The following ECEL1 variants were observed in gnomAD, a reference collection of about 807,000 sequenced individuals.
ECEL1 encodes the protein endothelin converting enzyme like 1.
A neutral mutation model predicts 101.8 loss-of-function variants in ECEL1; 87 were observed. The ratio of observed to expected loss-of-function variants is 0.85; its 90% CI spans 0.72 to 1.02. The LOEUF is 1.02. Ranked by LOEUF, ECEL1 falls within the 50% of genes least tolerant of loss-of-function variation. The probability of loss-of-function intolerance (pLI) is 0.00; values close to 1 mark genes in which losing one functional copy is unlikely to be tolerated. For synonymous variants in ECEL1, 487 were observed against 468.7 expected (o/e 1.04, Z -0.50); for missense variants, 1,032 against 1,079.2 (o/e 0.96, Z 0.61).
chr2:232,485,223 G>A lies in ECEL1; in HGVS notation c.831C>T (p.Leu277=), dbSNP rs866376011. The change falls in exon 3 of 18, where the codon CTC becomes CTT. Residue 277 remains leucine (L), a synonymous_variant. Coordinates refer to ENST00000304546, the MANE Select transcript of ECEL1 (RefSeq NM_004826.4). The part of the protein sequence containing the change: ...GLTLPERTLY[L]AQDEDSEKIL... ...CCTTCTCACTGTCCTCATCCTGAGC[G>A]AGGTACAGGGTCCTCTCTGGCAGGG... 1.9e-6 allele frequency: 3 copies of A among 1,613,646 alleles called. No individual in the cohort carries two copies. Among genetic ancestry groups the A allele is most frequent in the Non-Finnish European group, 2.5e-6 (3 of 1,179,986 alleles).
At chr2:232,487,437 C>G (rs1484210901) in intron 1 of ECEL1, among the ~76,000 whole-genome samples, 1 of 152,148 alleles carries the variant, frequency 6.6e-6, no homozygotes. Context: ...TGTCCCCGCC[C>G]CGAGCCACTC....
rs760608310 is a variant in ECEL1 at position 232,484,992 on chromosome 2, G to T, written c.955C>A (p.Gln319Lys). ...KAQEILQVEQ[Q>K]LANITVSEHD... is the part of the protein sequence containing the mutation. ...CCTGGTCTGCTCACGTTGGCCAGCT[G>T]CTGCTCCACTTGCAGGATCTCTTGG... The change falls in exon 4 of 18, where the codon CAG (glutamine) becomes AAG (lysine). Residue 319 changes from glutamine to lysine, a missense_variant. Gln to Lys is a moderately conservative substitution (Grantham distance 53, BLOSUM62 1). Transcript: ENST00000304546. The T allele has an allele frequency of 6.1e-5, 99 of 1,612,992 alleles. No homozygotes were observed. Among genetic ancestry groups the T allele is most frequent in the Non-Finnish European group, 8.1e-5 (95 of 1,180,020 alleles).
intron 10 of ECEL1, 80 bp downstream of exon 10, chr2:232,482,771 T>C: frequency 6.4e-7 from 1 of 1,563,506 alleles, no homozygotes; most frequent in Non-Finnish European, 8.8e-7. Context: ...TCTGCATGGC[T>C]GTGAGACGAT....
rs926374466 is a variant in ECEL1 at position 232,485,823 on chromosome 2, C to T, written c.786+45G>A. On this transcript the variant is annotated intron_variant, in intron 2 of 17. Coordinates refer to ENST00000304546, the MANE Select transcript of ECEL1 (RefSeq NM_004826.4). ...GGACCCCTGGGCAAGGCCACTGCGC[C>T]CCGGATCCGCGGCCGCTGGCAGGGC... is the stretch of plus-strand genomic sequence containing the variant. 1.7e-5 allele frequency: 26 copies of T among 1,535,188 alleles called. No individual in the cohort carries two copies. In the Admixed American group the frequency reaches 5.1e-4, roughly 30 times the overall value.
rs965566918 is a variant in ECEL1 at position 232,479,992 on chromosome 2, C to T, written c.*161G>A. 9.1e-6 allele frequency: 6 copies of T among 661,740 alleles called. 1 individual carries two copies. Among genetic ancestry groups the T allele is most frequent in the South Asian group, 3.8e-5 (2 of 52,486 alleles). 41.0% of individuals were successfully genotyped at this position (661,740 alleles called of 1,614,324 possible). On this transcript the variant is annotated 3_prime_UTR_variant, in exon 18 of 18. Transcript: ENST00000304546. ...AAGTCCAGCCTCACCCTGCTCCAGG[C>T]CCCTCCTGAAGTGAGGGGCAGCAGG...
chr2:232,486,705 G>A lies in ECEL1; in HGVS notation c.-52C>T. On this transcript the variant is annotated 5_prime_UTR_variant, in exon 2 of 18. Transcript: ENST00000304546. ...CTGGGCCACCTGGGCTACGGGATGC[G>A]CGTGGCCGCCGGCCTCCTCGTGGGC... is the stretch of plus-strand genomic sequence containing the variant. The A allele has an allele frequency of 7.1e-7, 1 of 1,412,366 alleles. No homozygotes were observed. The allele number at this position is 1,412,366 out of a possible 1,614,324, so 87.5% of individuals were successfully genotyped here.
rs745860080 is a variant in ECEL1 at position 232,483,396 on chromosome 2, G to A, written c.1506+20C>T. On this transcript the variant is annotated intron_variant, in intron 8 of 17. Transcript: ENST00000304546. ...CTCAATATATATGGGACCAACCAAT[G>A]ACACTGGGTCCCCCCTCACCTTGGC... 7 of 1,592,040 alleles carry A rather than the reference G, an allele frequency of 4.4e-6. No individual in the cohort carries two copies. Among genetic ancestry groups the A allele is most frequent in the Non-Finnish European group, 5.1e-6 (6 of 1,170,512 alleles).
At position 232,486,565 on chromosome 2, in the gene ECEL1, C is replaced by A; in HGVS notation, c.89G>T (p.Gly30Val). ...VSRCGAGGAR[G>V]ASLPPGFPLG... Reference sequence around the variant, plus strand: ...CGGGAAGCCCGGGGGCAGGGAGGCCCCGCGCGCGCCCCCCGCGCCGCAGCG... The same window carrying A: ...CGGGAAGCCCGGGGGCAGGGAGGCCACGCGCGCGCCCCCCGCGCCGCAGCG... Residue 30 changes from glycine (G) to valine (V), a missense_variant, in exon 2 of 18, where the codon GGG (glycine) becomes GTG (valine). Gly to Val is a moderately radical substitution (Grantham distance 109). Transcript: ENST00000304546. 1 of 1,375,800 alleles carries A rather than the reference C, an allele frequency of 7.3e-7. No homozygotes were observed. Among genetic ancestry groups the A allele is most frequent in the Admixed American group, 3.2e-5 (1 of 30,920 alleles). 85.2% of individuals were successfully genotyped at this position (1,375,800 alleles called of 1,614,324 possible).
At position 232,483,944 on chromosome 2, in the gene ECEL1, G is replaced by C. The variant is rs564126333; in HGVS notation, c.1407+57C>G. 1.8e-3 allele frequency: 2,765 copies of C among 1,523,766 alleles called. 4 individuals are homozygous for C. The highest frequency in any genetic ancestry group is 2.3e-3 in the Admixed American group (121 of 53,376). The allele number at this position is 1,523,766 out of a possible 1,614,324, so 94.4% of individuals were successfully genotyped here. A position where few individuals can be genotyped will look rare whatever the true frequency, so the allele number is the denominator to read the frequency against. On this transcript the variant is annotated intron_variant, in intron 7 of 17. Transcript: ENST00000304546. ...TCCCCATATTAGGACCATGGCCTCG[G>C]GAGGGCTCCACCCTCAGTTCAGCAC...
In ECEL1 at chr2:232,486,121, C is replaced by T. The variant is rs1365728368; in HGVS notation, c.533G>A (p.Arg178His). Reference protein sequence around the residue: ...PGGGPGGAAQRKVRAFFRSCL... With the variant: ...PGGGPGGAAQHKVRAFFRSCL... ...CGAGCGGAAGAAGGCGCGCACCTTG[C>T]GCTGGGCCGCGCCGCCAGGCCCACC... Residue 178 changes from arginine (R) to histidine (H), a missense_variant, in exon 2 of 18, where the codon CGC (arginine) becomes CAC (histidine). By Grantham distance (29) the Arg-to-His change is conservative (BLOSUM62 0). Transcript: ENST00000304546. 1.3e-6 allele frequency: 2 copies of T among 1,569,012 alleles called. No individual in the cohort carries two copies. Among genetic ancestry groups the T allele is most frequent in the Non-Finnish European group, 1.7e-6 (2 of 1,160,866 alleles).
Position 232,481,121 on chromosome 2 carries a change from T to C in ECEL1, c.2025A>G (p.Ala675=), listed in dbSNP as rs757288957. 34 of 1,568,362 alleles carry C rather than the reference T, an allele frequency of 2.2e-5. No homozygotes were observed. The highest frequency in any genetic ancestry group is 2.8e-5 in the Non-Finnish European group (32 of 1,156,520). ...NGKHTLGENI[A]DMGGLKLAYH... ...AGGCCAGCTTGAGGCCGCCCATATC[T>C]GCGATGTTCTCCCCAAGCGTGTGTT... Residue 675 remains alanine, a synonymous_variant, in exon 15 of 18, where the codon GCA becomes GCG. Coordinates refer to ENST00000304546, the MANE Select transcript of ECEL1 (RefSeq NM_004826.4).
Position 232,483,210 on chromosome 2 carries a change from C to T in ECEL1, c.1507-31G>A, listed in dbSNP as rs202085552. 9.1e-5 allele frequency: 144 copies of T among 1,582,386 alleles called. No individual in the cohort carries two copies. The African/African-American group carries it at 1.8e-3, about 20-fold the overall frequency. On this transcript the variant is annotated intron_variant, in intron 8 of 17. Coordinates refer to ENST00000304546, the MANE Select transcript of ECEL1 (RefSeq NM_004826.4). Reference sequence around the variant, plus strand: ...GGCCGAGGGCAGGTGAAGGTGGCACCAGGCCTCGGGAGACAGCCCCCCGCC... The same window carrying T: ...GGCCGAGGGCAGGTGAAGGTGGCACTAGGCCTCGGGAGACAGCCCCCCGCC...
chr2:232,485,419 C>A (rs988961198), intron 2 of ECEL1, 152 bp from the exon 3 acceptor site: 2 of 906,202 alleles, frequency 2.2e-6, no homozygotes, highest in South Asian at 1.6e-5. Context: ...TCCACCCAGA[C>A]GAGATGGCCA....
chr2:232,483,636 C>A lies in ECEL1; in HGVS notation c.1408-122G>T, dbSNP rs539739805. 802 of 790,964 alleles carry A rather than the reference C, an allele frequency of 1.0e-3. 1 individual carries two copies. The highest frequency in any genetic ancestry group is 1.3e-3 in the Non-Finnish European group (688 of 514,648). 49.0% of individuals were successfully genotyped at this position (790,964 alleles called of 1,614,324 possible). A position where few individuals can be genotyped will look rare whatever the true frequency, so the allele number is the denominator to read the frequency against. ...AAGCCCAAACCTCATTTCTGAACAC[C>A]AAGAGGATACTTTGGAGGTGAGGAT... On this transcript the variant is annotated intron_variant, in intron 7 of 17. Coordinates refer to ENST00000304546, the MANE Select transcript of ECEL1 (RefSeq NM_004826.4).
At position 232,486,036 on chromosome 2, in the gene ECEL1, C is replaced by T. The variant is rs1420215687; in HGVS notation, c.618G>A (p.Glu206=). 1 of 1,609,114 alleles carries T rather than the reference C, an allele frequency of 6.2e-7. No individual in the cohort carries two copies. Among genetic ancestry groups the T allele is most frequent in the East Asian group, 2.2e-5 (1 of 44,766 alleles). The change falls in exon 2 of 18, where the codon GAG becomes GAA. Residue 206 remains glutamate, a synonymous_variant. Coordinates refer to ENST00000304546, the MANE Select transcript of ECEL1 (RefSeq NM_004826.4). ...CGCCCAGGTCCCAGCCCCCGCAGTC[C>T]TCGATGACCTCTAGCATGGGTCGCG... ...LGPRPMLEVI[E]DCGGWDLGGA... is the part of the protein sequence containing the mutation.
Position 232,482,972 on chromosome 2 carries a change from G to T in ECEL1, c.1582-18C>A. ...ACCTCAAACTGCAGGAGGCACGGGC[G>T]ACACTCAGCGGCAGGCCAGGGCAGG... On this transcript the variant is annotated intron_variant, in intron 9 of 17. Transcript: ENST00000304546. 1.2e-6 allele frequency: 2 copies of T among 1,613,836 alleles called. No homozygotes were observed. The highest frequency in any genetic ancestry group is 1.1e-5 in the South Asian group (1 of 91,062).
intron 2 of ECEL1, 33 bp downstream of exon 2, chr2:232,485,829 TCCGCGG>T (rs1278823228): frequency 1.3e-6 from 2 of 1,536,408 alleles, no homozygotes. Flanking sequence ...GCGCCCCGGA[TCCGCGG>T]CCGCTGGCAG....
At position 232,484,200 on chromosome 2, in the gene ECEL1, CA is replaced by C. The variant is rs1175518549; in HGVS notation, c.1207del (p.Trp403GlyfsTer7). On this transcript the variant is annotated frameshift_variant, in exon 7 of 18. Coordinates refer to ENST00000304546, the MANE Select transcript of ECEL1 (RefSeq NM_004826.4). LOFTEE classifies it high-confidence loss of function. ...TTCACTCAGGACCACCACCACGCGC[CA>C]CACCAGGTAGTTGTGCAGGACCCTG... Reference protein sequence around the residue: ...PHRVLHNYLVWRVVVVLSEHL... With the variant: ...PHRVLHNYLVXRVVVVLSEHL... 1 of 1,612,692 alleles carries C rather than the reference CA, an allele frequency of 6.2e-7. No individual in the cohort carries two copies. The highest frequency in any genetic ancestry group is 8.5e-7 in the Non-Finnish European group (1 of 1,179,756).
chr2:232,482,737 G>C lies in ECEL1; in HGVS notation c.1685+114C>G, dbSNP rs141746662. ...CCTGCCGGCCCCCACCCCATGCCCT[G>C]TGCTGGCGTGTGTGCCCCCCATATC... On this transcript the variant is annotated intron_variant, in intron 10 of 17. Transcript: ENST00000304546. 5.3e-6 allele frequency: 8 copies of C among 1,499,570 alleles called. No homozygotes were observed. The African/African-American group carries it at 9.6e-5, about 18-fold the overall frequency. The allele number at this position is 1,499,570 out of a possible 1,614,324, so 92.9% of individuals were successfully genotyped here. A position where few individuals can be genotyped will look rare whatever the true frequency, so the allele number is the denominator to read the frequency against.
Sources: allele counts gnomAD v4.1 joint callset (sites outside exome capture counted in the v4.1 genomes callset), GRCh38; gene constraint gnomAD v4.1.1; transcripts MANE v1.5; gene names NCBI Gene and HGNC (gene_info 2026-07-23, HGNC 2026-07-21).